The following LRRFIP1 variants were observed in gnomAD, a reference collection of about 807,000 sequenced individuals.
LRRFIP1 encodes the protein leucine-rich repeat flightless-interacting protein 1.
Under a neutral mutation model 104.4 loss-of-function variants are expected in LRRFIP1, and 62 were observed. The ratio of observed to expected loss-of-function variants is 0.59; its 90% confidence interval spans 0.48 to 0.73. LRRFIP1 has a LOEUF of 0.73. Among genes scored for constraint, LRRFIP1 ranks in the 30% least tolerant of loss-of-function variants. The pLI is 0.00. For synonymous variants in LRRFIP1, 300 were observed against 299.0 expected (o/e 1.00, Z -0.03); for missense variants, 796 against 824.5 (o/e 0.97, Z 0.42).
intron 1 of LRRFIP1, among the ~76,000 whole-genome samples, chr2:237,632,055 G>C (rs1456001698): frequency 6.6e-6 from 1 of 152,200 alleles, no homozygotes; most frequent in Admixed American, 6.5e-5. Flanking sequence ...GGTGCTGTTG[G>C]TTCAGGCCTC....
chr2:237,692,298 CG>C, intron 1 of LRRFIP1: 2 of 1,199,000 alleles, frequency 1.7e-6, no homozygotes, highest in Non-Finnish European at 2.1e-6. Flanking sequence ...CGCTCCCCGG[CG>C]GGCTGGCTCC....
Position 237,762,974 on chromosome 2 carries a change from G to C in LRRFIP1, c.1459+2769G>C, listed in dbSNP as rs144109710. ...TGACTTAGATGGTGGGAACCACACA[G>C]AGAATGTGGGAGAGGCAGCAGTGAC... On this transcript the variant is annotated intron_variant, in intron 19 of 23. Transcript: ENST00000308482. 185 of 1,614,130 alleles carry C rather than the reference G, an allele frequency of 1.1e-4. 1 individual carries two copies. In the African/African-American group the frequency reaches 2.2e-3, roughly 20 times the overall value.
At chr2:237,690,495 C>T (rs985134107) in intron 1 of LRRFIP1, among the ~76,000 whole-genome samples, 4 of 152,064 alleles carry the variant, frequency 2.6e-5, no homozygotes, top group Admixed American at 2.6e-4. Flanking sequence ...CCAGCACTTT[C>T]GGAGGCCAAG....
chr2:237,750,326 CTTTTTTTTTTTTTT>C lies in LRRFIP1; in HGVS notation c.796-862_796-849del, dbSNP rs928510240. On this transcript the variant is annotated intron_variant, in intron 13 of 23. Transcript: ENST00000308482. ...CCTTTTTCTTTTCTTTTCTTTCTTT[CTTTTTTTTTTTTTT>C]TTTTTTTTTTTGGAGACAAGAGTTT... Among the ~76,000 whole-genome samples, 5 of 60,718 alleles carry C rather than the reference CTTTTTTTTTTTTTT, an allele frequency of 8.2e-5. No homozygotes were observed. In the East Asian group the frequency reaches 1.6e-3, roughly 19 times the overall value. The allele number at this position is 60,718 out of a possible 152,430, so 39.8% of individuals were successfully genotyped here. A position where few individuals can be genotyped will look rare whatever the true frequency, so the allele number is the denominator to read the frequency against.
intron 1 of LRRFIP1, among the ~76,000 whole-genome samples, chr2:237,692,832 C>T (rs1002380557): frequency 1.3e-5 from 2 of 152,268 alleles, no homozygotes; most frequent in African/African-American, 4.8e-5. Context: ...TGCGCCTGGC[C>T]TGGAGTCACA....
intron 19 of LRRFIP1, chr2:237,762,925 C>T: frequency 6.2e-7 from 1 of 1,614,186 alleles, no homozygotes; most frequent in Non-Finnish European, 8.5e-7. Flanking sequence ...CCAGAACTCC[C>T]CTTGAGCCAT....
chr2:237,696,906 T>C (rs537818377), intron 1 of LRRFIP1, among the ~76,000 whole-genome samples: 7 of 152,374 alleles, frequency 4.6e-5, no homozygotes, highest in African/African-American at 1.7e-4. Context: ...AAGCTGCCTC[T>C]TAGGACAGAA....
intron 1 of LRRFIP1, among the ~76,000 whole-genome samples, chr2:237,664,670 T>C (rs530742632): frequency 1.4e-4 from 22 of 152,348 alleles, no homozygotes; most frequent in East Asian, 1.2e-3. Flanking sequence ...AATCATTCTA[T>C]ATGTACTTTT....
At chr2:237,758,972 G>A (rs2059584976) in intron 18 of LRRFIP1, among the ~76,000 whole-genome samples, 151 bp downstream of exon 18, 1 of 152,216 alleles carries the variant, frequency 6.6e-6, no homozygotes, top group Non-Finnish European at 1.5e-5. Flanking sequence ...TTAACTGACA[G>A]CGATGAGATG....
chr2:237,762,476 G>T, intron 19 of LRRFIP1: 1 of 780,074 alleles, frequency 1.3e-6, no homozygotes, highest in South Asian at 2.1e-5. Flanking sequence ...TGTTTCTCAT[G>T]ACTCTTTGAT....
chr2:237,778,090 G>A (rs1392644051), intron 23 of LRRFIP1, among the ~76,000 whole-genome samples: 4 of 152,148 alleles, frequency 2.6e-5, no homozygotes, highest in African/African-American at 7.2e-5. Flanking sequence ...CTCAGTCTTT[G>A]GGGGTCTAAT....
chr2:237,630,516 C>T (rs77947897), intron 1 of LRRFIP1, among the ~76,000 whole-genome samples: 3,829 of 152,262 alleles, frequency 0.025, 182 homozygotes, highest in African/African-American at 0.087. Context: ...ATAAAAAGGG[C>T]GTAGACAGTG....
Position 237,692,626 on chromosome 2 carries a change from G to C in LRRFIP1, c.97-15918G>C, listed in dbSNP as rs113571943. 1.1e-4 allele frequency: 145 copies of C among 1,333,442 alleles called. 2 individuals are homozygous for C. In the Middle Eastern group the frequency reaches 2.3e-3, roughly 21 times the overall value. 82.6% of individuals were successfully genotyped at this position (1,333,442 alleles called of 1,614,324 possible). ...TGGCAGGCGCAGGTGCCCGGGAGGC[G>C]TGGGGTGGGCTCTGGCGGGACCCCA... On this transcript the variant is annotated intron_variant, in intron 1 of 23. Transcript: ENST00000308482.
At chr2:237,700,804 G>A (rs565422296) in intron 1 of LRRFIP1, among the ~76,000 whole-genome samples, 17 of 152,282 alleles carry the variant, frequency 1.1e-4, no homozygotes, top group South Asian at 4.1e-4. Flanking sequence ...TGGGCTCTGC[G>A]GGGGGAGGTG....
At chr2:237,658,316 TTCTTGGATAAGATG>T (rs2149443279) in intron 1 of LRRFIP1, among the ~76,000 whole-genome samples, 1 of 152,346 alleles carries the variant, frequency 6.6e-6, no homozygotes, top group South Asian at 2.1e-4. Flanking sequence ...GCATACCATG[TTCTTGGATAAGATG>T]ACTTAACACT....
At chr2:237,765,529 A>T in intron 19 of LRRFIP1, 1 of 974,816 alleles carries the variant, frequency 1.0e-6, no homozygotes, top group Non-Finnish European at 1.2e-6. Context: ...AAAAATGGTT[A>T]CTTGTTCTTG....
chr2:237,763,408 G>T, intron 19 of LRRFIP1: 1 of 1,613,956 alleles, frequency 6.2e-7, no homozygotes, highest in Non-Finnish European at 8.5e-7. Flanking sequence ...TGGACTCATC[G>T]CAGAAGAAGA....
chr2:237,764,426 T>C lies in LRRFIP1; in HGVS notation c.1459+4221T>C. On this transcript the variant is annotated intron_variant, in intron 19 of 23. Transcript: ENST00000308482. ...TGTCTACTGTTTATAGTCCACTTAA[T>C]AAAAATAGAGGCATTTACTATTTGC... The C allele has an allele frequency of 4.6e-6, 6 of 1,316,162 alleles. No individual in the cohort carries two copies. The South Asian group carries it at 1.1e-4, about 23-fold the overall frequency. The allele number at this position is 1,316,162 out of a possible 1,614,324, so 81.5% of individuals were successfully genotyped here.
chr2:237,762,667 G>A, intron 19 of LRRFIP1: 1 of 1,613,902 alleles, frequency 6.2e-7, no homozygotes, highest in African/African-American at 1.3e-5. Flanking sequence ...GAGAAATCTT[G>A]CACAATACTG....
Sources: allele counts gnomAD v4.1 joint callset (sites outside exome capture counted in the v4.1 genomes callset), GRCh38; gene constraint gnomAD v4.1.1; transcripts MANE v1.5; gene names NCBI Gene and HGNC (gene_info 2026-07-23, HGNC 2026-07-21).